SGCE: variants seen among roughly 807,000 people sequenced by gnomAD.
SGCE encodes the protein sarcoglycan epsilon, also known as epsilon-sarcoglycan.
A neutral mutation model predicts 57.8 loss-of-function variants in SGCE; 26 were observed. That is an observed-to-expected ratio of 0.45 (90% CI 0.33 to 0.62). SGCE has a LOEUF of 0.62. SGCE is among the 20% of genes least tolerant of loss of function. The pLI is 0.02. For missense variants in SGCE, 468 were observed against 548.6 expected (o/e 0.85, Z 1.47); for synonymous variants, 183 against 189.5 (o/e 0.97, Z 0.28).
At chr7:94,603,195 G>A (rs1399883451) in intron 6 of SGCE, 95 bp downstream of exon 6, 9 of 956,708 alleles carry the variant, frequency 9.4e-6, no homozygotes, top group Admixed American at 2.2e-5. Context: ...AGTAAACCTA[G>A]GATTTATTCC....
intron 1 of SGCE, chr7:94,644,507 C>T (rs1806800582): frequency 2.3e-6 from 1 of 429,814 alleles, no homozygotes; most frequent in African/African-American, 2.1e-5. Flanking sequence ...ATCAGAATAT[C>T]AAGGAAGGGA....
At chr7:94,611,966 A>G (rs1017389510) in intron 5 of SGCE, among the ~76,000 whole-genome samples, 1 of 152,238 alleles carries the variant, frequency 6.6e-6, no homozygotes, top group Non-Finnish European at 1.5e-5. Flanking sequence ...ATTGGTATTT[A>G]GATGATCAGA....
At chr7:94,604,437 T>C (rs1799732114) in intron 5 of SGCE, among the ~76,000 whole-genome samples, 1 of 147,438 alleles carries the variant, frequency 6.8e-6, no homozygotes, top group Admixed American at 6.8e-5. Flanking sequence ...CACACACAAA[T>C]TTGGATAAGG....
intron 9 of SGCE, among the ~76,000 whole-genome samples, chr7:94,593,987 A>G (rs1377611360): frequency 6.6e-6 from 1 of 152,084 alleles, no homozygotes; most frequent in Non-Finnish European, 1.5e-5. Flanking sequence ...CCATACTCAG[A>G]GCCCCAGAAT....
intron 5 of SGCE, among the ~76,000 whole-genome samples, chr7:94,608,243 G>A (rs1001717387): frequency 2.0e-5 from 3 of 152,208 alleles, no homozygotes; most frequent in Non-Finnish European, 4.4e-5. Flanking sequence ...TCAGGAGGCT[G>A]AGCCAGGGGT....
intron 9 of SGCE, chr7:94,589,501 C>T (rs1797366675): frequency 6.6e-6 from 1 of 152,366 alleles, no homozygotes; most frequent in Admixed American, 6.5e-5. Context: ...ACAGGGGTCC[C>T]CAACCCCTGG....
chr7:94,588,415 G>A, intron 10 of SGCE: 1 of 1,233,124 alleles, frequency 8.1e-7, no homozygotes, highest in Non-Finnish European at 1.0e-6. Context: ...GAACTTCACT[G>A]AAGGAAAGGG....
intron 1 of SGCE, among the ~76,000 whole-genome samples, chr7:94,654,535 A>C (rs956156119): frequency 7.9e-5 from 12 of 152,244 alleles, no homozygotes; most frequent in Admixed American, 2.6e-4. Flanking sequence ...ATTAAAAGGC[A>C]CTTCTAAAAA....
chr7:94,629,745 C>T lies in SGCE; in HGVS notation c.206G>A (p.Gly69Glu). The T allele has an allele frequency of 6.2e-7, 1 of 1,611,006 alleles. No individual in the cohort carries two copies. Among genetic ancestry groups the T allele is most frequent in the Non-Finnish European group, 8.5e-7 (1 of 1,177,766 alleles). ...AGGTTTTGGGTAAGGTGGAAATTCCCCCTTAAAATATTCTCTTTCCAAAAC... is the reference window on the plus strand; with the variant it reads ...AGGTTTTGGGTAAGGTGGAAATTCCTCCTTAAAATATTCTCTTTCCAAAAC... ...VHVLEREYFK[G>E]EFPPYPKPGE... The change falls in exon 2 of 11, where the codon GGG (glycine) becomes GAG (glutamate). Residue 69 changes from glycine to glutamate, a missense_variant. By Grantham distance (98) the Gly-to-Glu change is moderately conservative. Coordinates refer to ENST00000648936, the MANE Select transcript of SGCE (RefSeq NM_003919.3).
At chr7:94,623,944 C>T (rs1019140502) in intron 3 of SGCE, 21 of 373,080 alleles carry the variant, frequency 5.6e-5, no homozygotes, top group Middle Eastern at 1.3e-3. Context: ...GTCCATGAAG[C>T]TTATGGAACA....
intron 5 of SGCE, among the ~76,000 whole-genome samples, chr7:94,605,640 C>G (rs1199083817): frequency 6.6e-6 from 1 of 151,844 alleles, no homozygotes; most frequent in East Asian, 1.9e-4. Flanking sequence ...ATATTACAAA[C>G]TCTAAGACAA....
intron 6 of SGCE, among the ~76,000 whole-genome samples, chr7:94,601,091 A>G (rs1038643910): frequency 1.1e-4 from 17 of 152,168 alleles, no homozygotes; most frequent in Admixed American, 1.0e-3. Flanking sequence ...AAACATATAT[A>G]CATATACATT....
At chr7:94,645,498 C>A (rs1806929385) in intron 1 of SGCE, among the ~76,000 whole-genome samples, 2 of 151,982 alleles carry the variant, frequency 1.3e-5, no homozygotes, top group East Asian at 1.9e-4. Context: ...AAAAGATAAT[C>A]CTAAAAGAAA....
intron 9 of SGCE, among the ~76,000 whole-genome samples, chr7:94,595,251 C>T (rs1018662302): frequency 4.6e-5 from 7 of 152,108 alleles, no homozygotes; most frequent in Non-Finnish European, 1.0e-4. Context: ...CATTACATAA[C>T]ATTGTGAGTT....
chr7:94,603,153 C>G, intron 6 of SGCE, 137 bp downstream of exon 6: 1 of 661,616 alleles, frequency 1.5e-6, no homozygotes, highest in Middle Eastern at 3.2e-4. Flanking sequence ...CTTACCAGAT[C>G]CTTAATCTCA....
intron 9 of SGCE, chr7:94,590,129 A>G (rs894373045): frequency 6.6e-6 from 1 of 152,180 alleles, no homozygotes; most frequent in African/African-American, 2.4e-5. Flanking sequence ...CTTGAAGCCA[A>G]CAACCAACTA....
At chr7:94,595,015 A>G (rs945740113) in intron 9 of SGCE, among the ~76,000 whole-genome samples, 1 of 152,148 alleles carries the variant, frequency 6.6e-6, no homozygotes, top group African/African-American at 2.4e-5. Flanking sequence ...TCTGAGGTCA[A>G]TGACCGACAC....
intron 1 of SGCE, among the ~76,000 whole-genome samples, chr7:94,655,586 C>T (rs1010210211): frequency 2.0e-5 from 3 of 152,122 alleles, no homozygotes; most frequent in Non-Finnish European, 2.9e-5. Context: ...TGGCTCGCAT[C>T]GCGGTCGCAG....
chr7:94,601,464 A>AAAAAAAC (rs1562807664), intron 6 of SGCE, among the ~76,000 whole-genome samples: 1 of 109,708 alleles, frequency 9.1e-6, no homozygotes, highest in East Asian at 2.4e-4. Flanking sequence ...AAAAAAAAAA[A>AAAAAAAC]AAAAAAAAAA....
Sources: gnomAD v4.1 joint callset for allele counts (sites outside exome capture counted in the v4.1 genomes callset) on GRCh38, gnomAD v4.1.1 for gene constraint, MANE v1.5 for transcripts, NCBI Gene and HGNC (gene_info 2026-07-23, HGNC 2026-07-21) for gene names.